Variants in TENM1 observed in about 807,000 individuals in gnomAD.
TENM1 encodes the protein teneurin-1.
TENM1 carries 35 observed loss-of-function variants against 174.8 expected under a neutral mutation model. That is an observed-to-expected ratio of 0.20 (90% confidence interval 0.15 to 0.27). The LOEUF is 0.27. Ranked by LOEUF, TENM1 falls within the 10% of genes least tolerant of loss-of-function variation. The pLI, the probability that TENM1 is intolerant of heterozygous loss-of-function variation, is 1.00. For missense variants in TENM1, 1,633 were observed against 2,130.1 expected (o/e 0.77, Z 4.59); for synonymous variants, 781 against 798.7 (o/e 0.98, Z 0.37).
the TENM1 span, among the ~76,000 whole-genome samples, chrX:125,096,576 A>G: frequency 8.9e-6 from 1 of 111,935 alleles, no homozygotes; most frequent in Admixed American, 9.5e-5. Flanking sequence ...AAGTTATTTG[A>G]ACATGGAACA....
Position 124,622,964 on chromosome X carries a change from C to T in TENM1, c.2077+18827G>A, listed in dbSNP as rs1310002776. Reference sequence around the variant, plus strand: ...AATTTAGGGCCTTTAAAATTTTCTGCCCTCTCTGATGTAGAATGTAACCTA... The same window carrying T: ...AATTTAGGGCCTTTAAAATTTTCTGTCCTCTCTGATGTAGAATGTAACCTA... On this transcript the variant is annotated intron_variant, in intron 11 of 31. Coordinates refer to ENST00000422452, the Ensembl canonical transcript of TENM1. 2.7e-5 allele frequency among the ~76,000 whole-genome samples: 3 copies of T among 111,795 alleles called. No individual in the cohort carries two copies. The East Asian group carries it at 8.4e-4, about 31-fold the overall frequency.
At chrX:124,453,128 T>C (rs1262912894) in intron 23 of TENM1, among the ~76,000 whole-genome samples, 1 of 112,049 alleles carries the variant, frequency 8.9e-6, no homozygotes, top group Non-Finnish European at 1.9e-5. Context: ...ATATTCTACC[T>C]GACATTACTT....
chrX:124,566,986 A>T (rs1323481919), intron 11 of TENM1, among the ~76,000 whole-genome samples: 1 of 111,988 alleles, frequency 8.9e-6, no homozygotes, highest in Non-Finnish European at 1.9e-5. Context: ...TATAGTTTAG[A>T]GATGTAACCA....
chrX:124,626,747 G>A (rs962036695), intron 11 of TENM1, among the ~76,000 whole-genome samples: 2 of 111,616 alleles, frequency 1.8e-5, no homozygotes, highest in African/African-American at 6.6e-5. Context: ...AGTCTTAAGG[G>A]ACTGTGTGAG....
chrX:124,722,215 T>C (rs764493210), intron 4 of TENM1, among the ~76,000 whole-genome samples: 2 of 112,608 alleles, frequency 1.8e-5, no homozygotes, highest in African/African-American at 3.2e-5. Context: ...AATATCATGT[T>C]GTACTTGATA....
chrX:125,090,379 C>G, the TENM1 span, among the ~76,000 whole-genome samples: 1 of 111,265 alleles, frequency 9.0e-6, no homozygotes, highest in Middle Eastern at 4.7e-3. Context: ...GATACGGTGG[C>G]TCACGCCCAT....
At chrX:124,959,451 A>T (rs1455814875) in intron 1 of TENM1, among the ~76,000 whole-genome samples, 1 of 111,307 alleles carries the variant, frequency 9.0e-6, no homozygotes, top group Non-Finnish European at 1.9e-5. Context: ...CAGTTCATGG[A>T]TGATAGATTC....
chrX:124,712,464 T>C (rs1339888636), intron 4 of TENM1, among the ~76,000 whole-genome samples: 1 of 111,059 alleles, frequency 9.0e-6, no homozygotes, highest in Non-Finnish European at 1.9e-5. Flanking sequence ...TTTGAACATC[T>C]TTTCTTTTCT....
chrX:124,537,533 G>C (rs948353585), intron 15 of TENM1, among the ~76,000 whole-genome samples: 2 of 111,665 alleles, frequency 1.8e-5, no homozygotes, highest in Admixed American at 9.6e-5. Context: ...AGATCTTTCT[G>C]AGTCAAGATA....
intron 1 of TENM1, among the ~76,000 whole-genome samples, chrX:124,934,605 A>G (rs2058218418): frequency 8.9e-6 from 1 of 111,971 alleles, no homozygotes; most frequent in Non-Finnish European, 1.9e-5. Context: ...TGCATTTCTT[A>G]GCGTGTTAGA....
intron 22 of TENM1, among the ~76,000 whole-genome samples, chrX:124,474,970 GT>G (rs1185478293): frequency 2.7e-5 from 3 of 111,459 alleles, no homozygotes; most frequent in Non-Finnish European, 5.7e-5. Flanking sequence ...TATCAAACAT[GT>G]TTTTTTCAAG....
chrX:124,664,208 T>C (rs909488877), intron 6 of TENM1, among the ~76,000 whole-genome samples: 1 of 111,605 alleles, frequency 9.0e-6, no homozygotes, highest in Non-Finnish European at 1.9e-5. Context: ...TCTTGGGCTA[T>C]AATATCCTTT....
At chrX:124,678,245 C>T (rs2052143111) in intron 5 of TENM1, among the ~76,000 whole-genome samples, 1 of 110,930 alleles carries the variant, frequency 9.0e-6, no homozygotes, top group Non-Finnish European at 1.9e-5. Context: ...TCTGTATGTA[C>T]TGAAATGAAA....
At chrX:124,867,674 A>T (rs745383250) in intron 3 of TENM1, among the ~76,000 whole-genome samples, 315 of 112,135 alleles carry the variant, frequency 2.8e-3, no homozygotes, top group Non-Finnish European at 4.6e-3. Flanking sequence ...AAGGACACCT[A>T]AATTGGAAAG....
At chrX:125,154,620 C>CT in the TENM1 span, among the ~76,000 whole-genome samples, 3 of 111,501 alleles carry the variant, frequency 2.7e-5, no homozygotes, top group African/African-American at 6.5e-5. Context: ...TTGGTGGGTT[C>CT]TTGGTCTCAC....
rs771883149 is a variant in TENM1, at chrX:124,789,139, C to G, written c.536-51942G>C. Among the ~76,000 whole-genome samples the G allele has an allele frequency of 4.5e-5, 5 of 111,889 alleles. No individual in the cohort carries two copies. In the East Asian group the frequency reaches 1.4e-3, roughly 32 times the overall value. Reference sequence around the variant, plus strand: ...AGCTGCCAAGACTTGGGGATTGCACCTTCTGAATCCACAGCCCGAGTTGTA... The same window carrying G: ...AGCTGCCAAGACTTGGGGATTGCACGTTCTGAATCCACAGCCCGAGTTGTA... On this transcript the variant is annotated intron_variant, in intron 3 of 31. Coordinates refer to ENST00000422452, the Ensembl canonical transcript of TENM1.
chrX:124,677,889 T>C (rs1283129342), intron 5 of TENM1, among the ~76,000 whole-genome samples: 1 of 111,722 alleles, frequency 9.0e-6, no homozygotes, highest in African/African-American at 3.2e-5. Flanking sequence ...GTTTTAGTAA[T>C]TGTACTATGT....
At chrX:124,941,288 C>T (rs1014771286) in intron 1 of TENM1, among the ~76,000 whole-genome samples, 6 of 111,728 alleles carry the variant, frequency 5.4e-5, no homozygotes, top group South Asian at 3.7e-4. Context: ...CTTTACTTAA[C>T]GAGACCTTTT....
At chrX:124,717,478 T>C (rs2053213284) in intron 4 of TENM1, among the ~76,000 whole-genome samples, 1 of 111,358 alleles carries the variant, frequency 9.0e-6, no homozygotes, top group African/African-American at 3.3e-5. Context: ...AGTTACAACA[T>C]TATAGGGGAA....
Sources: allele counts gnomAD v4.1 joint callset (sites outside exome capture counted in the v4.1 genomes callset), GRCh38; gene constraint gnomAD v4.1.1; transcripts MANE v1.5; gene names NCBI Gene and HGNC (gene_info 2026-07-23, HGNC 2026-07-21).